The following NTM variants were observed in gnomAD, a reference collection of about 807,000 sequenced individuals.
The protein encoded by NTM is neurotrimin, also known as IgLON family member 2.
A neutral mutation model predicts 42.1 loss-of-function variants in NTM; 13 were observed. That is an observed-to-expected ratio of 0.31 (90% CI 0.20 to 0.49). NTM has a LOEUF of 0.49. NTM is among the 20% of genes least tolerant of loss of function. The pLI is 0.99. For synonymous variants in NTM, 187 were observed against 179.2 expected, an observed-to-expected ratio of 1.04 and a Z score of -0.35; for missense variants, 373 against 452.8, an observed-to-expected ratio of 0.82 and a Z score of 1.60.
At chr11:132,060,366 CT>C (rs1229304490) in intron 2 of NTM, among the ~76,000 whole-genome samples, 1 of 152,064 alleles carries the variant, frequency 6.6e-6, no homozygotes, top group East Asian at 1.9e-4. Context: ...CTCCAAAATA[CT>C]TTTTTTTAAA....
chr11:132,309,449 C>G (rs114709619), intron 5 of NTM, among the ~76,000 whole-genome samples: 4 of 152,130 alleles, frequency 2.6e-5, no homozygotes, highest in Non-Finnish European at 5.9e-5. Context: ...TGGCAAGAAC[C>G]TGGTGTGCAG....
At chr11:132,105,508 G>A (rs2062251130) in intron 2 of NTM, among the ~76,000 whole-genome samples, 1 of 152,022 alleles carries the variant, frequency 6.6e-6, no homozygotes, top group African/African-American at 2.4e-5. Context: ...GAAAGAAGAG[G>A]TGGGAGAAAG....
At chr11:131,729,977 G>A (rs537946871) in intron 1 of NTM, among the ~76,000 whole-genome samples, 53 of 152,184 alleles carry the variant, frequency 3.5e-4, no homozygotes, top group South Asian at 1.0e-3. Context: ...AAATTGCTAG[G>A]TCAGATGGTA....
At chr11:132,306,045 T>G (rs2095066379) in intron 4 of NTM, among the ~76,000 whole-genome samples, 1 of 152,292 alleles carries the variant, frequency 6.6e-6, no homozygotes, top group Admixed American at 6.5e-5. Flanking sequence ...GGCATGAAGA[T>G]GTATGAGATG....
chr11:131,581,288 T>C (rs1010781), intron 1 of NTM, among the ~76,000 whole-genome samples: 97,477 of 151,958 alleles, frequency 0.64, 32,169 homozygotes, highest in African/African-American at 0.8. Context: ...TAGATACTGT[T>C]CTTTTCCTCG....
intron 2 of NTM, among the ~76,000 whole-genome samples, chr11:131,990,288 A>G (rs1355930313): frequency 1.3e-5 from 2 of 152,184 alleles, no homozygotes; most frequent in Non-Finnish European, 2.9e-5. Context: ...GCCATGCTGC[A>G]TATGTAAGTG....
At chr11:132,048,218 G>A (rs2078288300) in intron 2 of NTM, among the ~76,000 whole-genome samples, 1 of 152,086 alleles carries the variant, frequency 6.6e-6, no homozygotes, top group Admixed American at 6.6e-5. Context: ...TGCCAAATGT[G>A]AAGGAACGCA....
In NTM at chr11:132,295,650, C is replaced by A. The variant is rs2094583987; in HGVS notation, c.527-12039C>A. Among the ~76,000 whole-genome samples, 3 of 152,114 alleles carry A rather than the reference C, an allele frequency of 2.0e-5. No homozygotes were observed. The South Asian group carries it at 6.2e-4, about 32-fold the overall frequency. On this transcript the variant is annotated intron_variant, in intron 4 of 8. Coordinates refer to ENST00000683400, the MANE Select transcript of NTM (RefSeq NM_001352005.2). ...AAAGAGAAGACAAACAGGCACAGAT[C>A]AATACAATGCCTCGTGTTTTAGGAA...
intron 1 of NTM, among the ~76,000 whole-genome samples, chr11:131,471,718 A>G (rs1053332581): frequency 6.6e-6 from 1 of 152,144 alleles, no homozygotes; most frequent in African/African-American, 2.4e-5. Context: ...CAAAAGGCAA[A>G]TGCTTACTCC....
chr11:131,504,304 G>A (rs1295229165), intron 1 of NTM, among the ~76,000 whole-genome samples: 8 of 152,118 alleles, frequency 5.3e-5, no homozygotes, highest in African/African-American at 1.9e-4. Context: ...CTCACATTCT[G>A]GAGAAAACAT....
chr11:132,269,455 A>G (rs186450593), intron 4 of NTM, among the ~76,000 whole-genome samples: 68 of 152,308 alleles, frequency 4.5e-4, no homozygotes, highest in African/African-American at 1.5e-3. Flanking sequence ...GTACTTCTCT[A>G]TGTTGCCTTC....
At chr11:131,797,611 T>C (rs1489203886) in intron 1 of NTM, among the ~76,000 whole-genome samples, 2 of 152,218 alleles carry the variant, frequency 1.3e-5, no homozygotes, top group African/African-American at 4.8e-5. Context: ...TATTGAAAAG[T>C]AATCACACAA....
At chr11:132,028,821 T>C (rs1404480635) in intron 2 of NTM, among the ~76,000 whole-genome samples, 1 of 152,164 alleles carries the variant, frequency 6.6e-6, no homozygotes, top group African/African-American at 2.4e-5. Context: ...TGGCTGCCTT[T>C]GCTCTCCCCC....
intron 1 of NTM, among the ~76,000 whole-genome samples, chr11:131,592,040 T>A (rs1455404438): frequency 6.6e-6 from 1 of 152,184 alleles, no homozygotes; most frequent in South Asian, 2.1e-4. Flanking sequence ...GGTTGGATAA[T>A]GATGTTCCTC....
intron 2 of NTM, among the ~76,000 whole-genome samples, chr11:131,924,894 T>G (rs548255636): frequency 6.6e-6 from 1 of 152,380 alleles, no homozygotes; most frequent in South Asian, 2.1e-4. Context: ...AATATACAGA[T>G]GTAGTTTCTG....
chr11:131,846,423 A>G (rs2044909504), intron 1 of NTM, among the ~76,000 whole-genome samples: 1 of 152,028 alleles, frequency 6.6e-6, no homozygotes, highest in African/African-American at 2.4e-5. Flanking sequence ...TACTCTGTTG[A>G]TCTTTTCTAA....
At chr11:132,091,064 G>C (rs545522304) in intron 2 of NTM, among the ~76,000 whole-genome samples, 1 of 152,010 alleles carries the variant, frequency 6.6e-6, no homozygotes, top group African/African-American at 2.4e-5. Context: ...TTTTCCTTTG[G>C]CAAACTCTTT....
intron 1 of NTM, among the ~76,000 whole-genome samples, chr11:131,627,464 G>A (rs2063232183): frequency 6.6e-6 from 1 of 152,022 alleles, no homozygotes; most frequent in South Asian, 2.1e-4. Flanking sequence ...GACTATTGAT[G>A]GCCAGGCAAG....
At chr11:131,565,197 A>T (rs1022478672) in intron 1 of NTM, among the ~76,000 whole-genome samples, 1 of 152,056 alleles carries the variant, frequency 6.6e-6, no homozygotes, top group African/African-American at 2.4e-5. Flanking sequence ...CTGACCCTTC[A>T]CCGCCTCTCC....
Sources: gnomAD v4.1 joint callset for allele counts (sites outside exome capture counted in the v4.1 genomes callset) on GRCh38, gnomAD v4.1.1 for gene constraint, MANE v1.5 for transcripts, NCBI Gene and HGNC (gene_info 2026-07-23, HGNC 2026-07-21) for gene names.